CNTNAP5: variants seen among roughly 807,000 people sequenced by gnomAD.
CNTNAP5 encodes contactin associated protein family member 5.
In CNTNAP5, 72 loss-of-function variants were observed where a neutral mutation model predicts 150.2. The observed-to-expected ratio is 0.48, with a 90% CI of 0.40 to 0.58. The LOEUF (loss-of-function observed/expected upper bound fraction) is 0.58. Among genes scored for constraint, CNTNAP5 ranks in the 20% least tolerant of loss-of-function variants. The probability of loss-of-function intolerance (pLI) is 0.00; values close to 1 mark genes in which losing one functional copy is unlikely to be tolerated. For missense variants in CNTNAP5, 1,636 were observed against 1,626.2 expected (o/e 1.01, Z -0.10); for synonymous variants, 672 against 619.8 (o/e 1.08, Z -1.25).
intron 13 of CNTNAP5, among the ~76,000 whole-genome samples, chr2:124,740,032 A>G (rs962097251): frequency 2.0e-5 from 3 of 151,604 alleles, no homozygotes; most frequent in Admixed American, 2.0e-4. Context: ...AAACCATTGA[A>G]TATAATATAT....
chr2:124,272,490 C>G (rs1046327615), intron 3 of CNTNAP5, among the ~76,000 whole-genome samples: 3 of 152,184 alleles, frequency 2.0e-5, no homozygotes, highest in Non-Finnish European at 4.4e-5. Context: ...CTCTCTCCCC[C>G]ACCTCTTCAG....
intron 3 of CNTNAP5, among the ~76,000 whole-genome samples, chr2:124,305,254 G>C (rs1688659074): frequency 6.7e-6 from 1 of 150,328 alleles, no homozygotes; most frequent in Non-Finnish European, 1.5e-5. Context: ...CTCTAACCTT[G>C]ATGACAGTCT....
At position 124,888,387 on chromosome 2, in the gene CNTNAP5, G is replaced by A. The variant is rs558752342; in HGVS notation, c.3437-14495G>A. Among the ~76,000 whole-genome samples, 5 of 152,232 alleles carry A rather than the reference G, an allele frequency of 3.3e-5. No homozygotes were observed. The East Asian group carries it at 7.7e-4, about 24-fold the overall frequency. On this transcript the variant is annotated intron_variant, in intron 21 of 23. Transcript: ENST00000682447. ...TTCGATTCCATGTCTTTGCTATTGT[G>A]CATAGTGCTATAATGAACATATGAG...
intron 1 of CNTNAP5, among the ~76,000 whole-genome samples, chr2:124,121,252 A>C (rs2104716415): frequency 6.6e-6 from 1 of 152,158 alleles, no homozygotes; most frequent in Admixed American, 6.5e-5. Context: ...TACCTCCTCT[A>C]AGTGTCTTAA....
chr2:124,030,538 T>C (rs1389827055), intron 1 of CNTNAP5, among the ~76,000 whole-genome samples: 1 of 152,158 alleles, frequency 6.6e-6, no homozygotes, highest in African/African-American at 2.4e-5. Flanking sequence ...ACTGTGTATA[T>C]ACATATCTGT....
At chr2:124,865,873 G>T (rs192310454) in intron 20 of CNTNAP5, among the ~76,000 whole-genome samples, 34 of 152,010 alleles carry the variant, frequency 2.2e-4, no homozygotes, top group Admixed American at 5.9e-4. Flanking sequence ...AAACCTGAAA[G>T]GCAGAGGTTG....
chr2:124,839,425 C>T (rs113126396), intron 19 of CNTNAP5, among the ~76,000 whole-genome samples: 1 of 129,708 alleles, frequency 7.7e-6, no homozygotes, highest in African/African-American at 3.4e-5. Context: ...AAATGACACA[C>T]ACTCTCTCTC....
At chr2:124,166,884 T>C (rs1684819540) in intron 1 of CNTNAP5, among the ~76,000 whole-genome samples, 1 of 152,098 alleles carries the variant, frequency 6.6e-6, no homozygotes, top group African/African-American at 2.4e-5. Flanking sequence ...CAAATCCATC[T>C]CCAAGCCTTC....
At chr2:124,843,281 G>A (rs1284907988) in intron 19 of CNTNAP5, among the ~76,000 whole-genome samples, 9 of 151,854 alleles carry the variant, frequency 5.9e-5, no homozygotes, top group African/African-American at 1.5e-4. Context: ...TTATCCACTC[G>A]TTGATCGATG....
intron 4 of CNTNAP5, among the ~76,000 whole-genome samples, chr2:124,426,830 C>T (rs185667954): frequency 1.4e-3 from 213 of 152,262 alleles, no homozygotes; most frequent in African/African-American, 5.0e-3. Flanking sequence ...CAATTATGGG[C>T]CCAGTGGGAA....
At chr2:124,661,839 A>C (rs757705582) in intron 13 of CNTNAP5, among the ~76,000 whole-genome samples, 3 of 151,230 alleles carry the variant, frequency 2.0e-5, no homozygotes, top group Non-Finnish European at 4.4e-5. Context: ...ATCTTTTATA[A>C]ATTTTATAGC....
At chr2:124,661,091 T>A (rs1678579873) in intron 13 of CNTNAP5, among the ~76,000 whole-genome samples, 1 of 152,076 alleles carries the variant, frequency 6.6e-6, no homozygotes. Context: ...TCTAGGAAAT[T>A]ACAAGGTGCC....
intron 3 of CNTNAP5, among the ~76,000 whole-genome samples, chr2:124,285,637 C>A (rs1467929878): frequency 5.4e-5 from 8 of 147,578 alleles, no homozygotes; most frequent in Admixed American, 1.3e-4. Flanking sequence ...CCATCCTCTG[C>A]AAGAAAAAAA....
At chr2:124,244,306 C>G (rs1011756438) in intron 3 of CNTNAP5, among the ~76,000 whole-genome samples, 1 of 152,080 alleles carries the variant, frequency 6.6e-6, no homozygotes, top group African/African-American at 2.4e-5. Context: ...GTCCATTTAG[C>G]CCCTGTGCCC....
chr2:124,088,357 A>G (rs1283118489), intron 1 of CNTNAP5, among the ~76,000 whole-genome samples: 4 of 151,964 alleles, frequency 2.6e-5, no homozygotes, highest in African/African-American at 9.7e-5. Context: ...ATTTGTTTCC[A>G]GCGTGTTCAT....
At chr2:124,388,215 A>G (rs1039330263) in intron 3 of CNTNAP5, among the ~76,000 whole-genome samples, 2 of 152,124 alleles carry the variant, frequency 1.3e-5, no homozygotes, top group Non-Finnish European at 2.9e-5. Context: ...GACTCCAGAG[A>G]TGTGAGGCTT....
At chr2:124,355,178 C>T (rs1037539333) in intron 3 of CNTNAP5, among the ~76,000 whole-genome samples, 1 of 151,746 alleles carries the variant, frequency 6.6e-6, no homozygotes, top group Non-Finnish European at 1.5e-5. Flanking sequence ...TAGATGTCTA[C>T]AAAAAATAAT....
At position 124,417,510 on chromosome 2, in the gene CNTNAP5, G is replaced by A. The variant is rs547539440; in HGVS notation, c.449G>A (p.Arg150Gln). 1.9e-5 allele frequency: 31 copies of A among 1,613,828 alleles called. No homozygotes were observed. The Admixed American group carries it at 2.5e-4, about 13-fold the overall frequency. The change falls in exon 4 of 24, where the codon CGA becomes CAA. Residue 150 changes from arginine (R) to glutamine (Q), a missense_variant. By Grantham distance (43) the Arg-to-Gln change is conservative. Coordinates refer to ENST00000682447, the MANE Select transcript of CNTNAP5 (RefSeq NM_001367498.1). ...AAGCTATTGCACTCAGTGAGAGCCC[G>A]ATTTGTTCGCTTTGTGCCCCTGGAA... ...HHKLLHSVRA[R>Q]FVRFVPLEWN...
chr2:124,589,939 G>A (rs981548998), intron 11 of CNTNAP5, among the ~76,000 whole-genome samples: 1 of 152,132 alleles, frequency 6.6e-6, no homozygotes, highest in Non-Finnish European at 1.5e-5. Context: ...GCAGTGTTGG[G>A]AGGTGGGACC....
Sources: allele counts gnomAD v4.1 joint callset (sites outside exome capture counted in the v4.1 genomes callset), GRCh38; gene constraint gnomAD v4.1.1; transcripts MANE v1.5; gene names NCBI Gene and HGNC (gene_info 2026-07-23, HGNC 2026-07-21).